GPC6: variants seen among roughly 807,000 people sequenced by gnomAD.
GPC6 encodes the protein glypican 6.
GPC6 carries 14 observed loss-of-function variants against 55.2 expected under a neutral mutation model. That is an observed-to-expected ratio of 0.25 (90% CI 0.17 to 0.40). The LOEUF is 0.40. GPC6 is among the 10% of genes least tolerant of loss of function. The pLI is 1.00. For synonymous variants in GPC6, 278 were observed against 259.6 expected (o/e 1.07, Z -0.68); for missense variants, 641 against 708.5 (o/e 0.90, Z 1.08).
chr13:94,041,172 T>C (rs1211261079), intron 4 of GPC6, among the ~76,000 whole-genome samples: 1 of 151,788 alleles, frequency 6.6e-6, no homozygotes, highest in East Asian at 1.9e-4. Context: ...GATGCAGACA[T>C]TGATAGCTTG....
At chr13:93,477,142 A>G (rs1879329998) in intron 1 of GPC6, among the ~76,000 whole-genome samples, 1 of 152,104 alleles carries the variant, frequency 6.6e-6, no homozygotes, top group Non-Finnish European at 1.5e-5. Flanking sequence ...CAGTGGTTTC[A>G]TGTTTAACAT....
intron 1 of GPC6, among the ~76,000 whole-genome samples, chr13:93,453,641 G>T (rs919124743): frequency 1.3e-5 from 2 of 151,486 alleles, no homozygotes; most frequent in South Asian, 4.2e-4. Flanking sequence ...GTGGGTTCGC[G>T]GTCTCACTGG....
chr13:94,060,572 G>A (rs936961847), intron 4 of GPC6, among the ~76,000 whole-genome samples: 10 of 152,176 alleles, frequency 6.6e-5, no homozygotes, highest in African/African-American at 2.2e-4. Context: ...GGATGATAAA[G>A]TATGTACTTT....
chr13:94,125,073 C>G (rs1172120086), intron 4 of GPC6, among the ~76,000 whole-genome samples: 1 of 152,036 alleles, frequency 6.6e-6, no homozygotes, highest in Non-Finnish European at 1.5e-5. Context: ...TTCACTTAAC[C>G]TTAAATACAA....
intron 1 of GPC6, among the ~76,000 whole-genome samples, chr13:93,272,412 T>G (rs193224104): frequency 6.6e-6 from 1 of 151,068 alleles, no homozygotes; most frequent in Non-Finnish European, 1.5e-5. Flanking sequence ...AGAAATAATT[T>G]ATAGACCAAT....
At chr13:94,380,788 T>C (rs1880122093) in intron 6 of GPC6, among the ~76,000 whole-genome samples, 1 of 152,228 alleles carries the variant, frequency 6.6e-6, no homozygotes, top group Non-Finnish European at 1.5e-5. Context: ...ATGTCTTTTA[T>C]TGGCAATTAT....
At chr13:93,891,706 G>T (rs1875691681) in intron 3 of GPC6, among the ~76,000 whole-genome samples, 1 of 151,890 alleles carries the variant, frequency 6.6e-6, no homozygotes, top group South Asian at 2.1e-4. Flanking sequence ...AATGTGTATA[G>T]TGTATGTGTG....
At chr13:93,696,636 CAG>C (rs915640615) in intron 2 of GPC6, among the ~76,000 whole-genome samples, 1 of 132,206 alleles carries the variant, frequency 7.6e-6, no homozygotes, top group Non-Finnish European at 1.6e-5. Context: ...TTTTTTTAGG[CAG>C]AGTCTCCCTC....
chr13:93,372,131 A>G (rs1874680849), intron 1 of GPC6, among the ~76,000 whole-genome samples: 1 of 152,164 alleles, frequency 6.6e-6, no homozygotes, highest in Non-Finnish European at 1.5e-5. Flanking sequence ...TTCAGTATGT[A>G]TGTGTATCAA....
At chr13:94,283,649 A>T (rs1456684779) in intron 4 of GPC6, among the ~76,000 whole-genome samples, 2 of 152,172 alleles carry the variant, frequency 1.3e-5, no homozygotes. Flanking sequence ...AATATATCTA[A>T]ATTTTATTTT....
At chr13:94,010,729 T>C (rs1224309378) in intron 3 of GPC6, among the ~76,000 whole-genome samples, 1 of 152,178 alleles carries the variant, frequency 6.6e-6, no homozygotes, top group Non-Finnish European at 1.5e-5. Flanking sequence ...GAAGTATTCT[T>C]AGAACTCAGT....
chr13:93,972,330 C>A (rs968610620), intron 3 of GPC6, among the ~76,000 whole-genome samples: 4 of 152,084 alleles, frequency 2.6e-5, no homozygotes, highest in Non-Finnish European at 5.9e-5. Flanking sequence ...GAATAGGGAT[C>A]GACAGCCCTT....
At chr13:93,225,073 C>T (rs1329455801), upstream of GPC6, among the ~76,000 whole-genome samples, 2 of 152,012 alleles carry the variant, frequency 1.3e-5, no homozygotes, top group African/African-American at 4.8e-5. Context: ...ATGCTTTTAC[C>T]CATTCTTCCT....
At chr13:94,023,898 T>C (rs1258936492) in intron 3 of GPC6, among the ~76,000 whole-genome samples, 1 of 151,960 alleles carries the variant, frequency 6.6e-6, no homozygotes, top group Non-Finnish European at 1.5e-5. Flanking sequence ...TATTGTATGG[T>C]TTTATTTATA....
At chr13:94,013,583 C>T (rs952991548) in intron 3 of GPC6, among the ~76,000 whole-genome samples, 17 of 152,178 alleles carry the variant, frequency 1.1e-4, no homozygotes, top group Admixed American at 6.5e-4. Context: ...TGCCTGACCT[C>T]AGGTGATCTG....
intron 4 of GPC6, among the ~76,000 whole-genome samples, chr13:94,057,893 C>G (rs1377955113): frequency 2.6e-5 from 4 of 152,164 alleles, no homozygotes; most frequent in Non-Finnish European, 4.4e-5. Flanking sequence ...ATGCTGTATT[C>G]AAACTCACTA....
intron 6 of GPC6, among the ~76,000 whole-genome samples, chr13:94,362,554 G>A (rs1196778279): frequency 2.0e-5 from 3 of 152,098 alleles, no homozygotes; most frequent in Non-Finnish European, 4.4e-5. Context: ...GGGGGTGAAA[G>A]GTGGACAAAG....
chr13:94,157,403 G>A (rs1345824792), intron 4 of GPC6, among the ~76,000 whole-genome samples: 1 of 152,146 alleles, frequency 6.6e-6, no homozygotes, highest in Non-Finnish European at 1.5e-5. Flanking sequence ...CTGAATCATA[G>A]AAACCTTCGT....
At chr13:94,158,759 A>T (rs1888049049) in intron 4 of GPC6, among the ~76,000 whole-genome samples, 1 of 152,166 alleles carries the variant, frequency 6.6e-6, no homozygotes, top group African/African-American at 2.4e-5. Context: ...AGTGAAGATC[A>T]TACAAGTAGT....
Sources: allele counts gnomAD v4.1 joint callset (sites outside exome capture counted in the v4.1 genomes callset), GRCh38; gene constraint gnomAD v4.1.1; transcripts MANE v1.5; gene names NCBI Gene and HGNC (gene_info 2026-07-23, HGNC 2026-07-21).